Variants in KCNA6 observed in about 807,000 individuals in gnomAD.
KCNA6 encodes potassium voltage-gated channel subfamily A member 6.
KCNA6 carries 17 observed loss-of-function variants against 29.5 expected under a neutral mutation model. The ratio of observed to expected loss-of-function variants is 0.58; its 90% CI spans 0.39 to 0.86. The LOEUF is 0.86. Among genes scored for constraint, KCNA6 ranks in the 40% least tolerant of loss-of-function variants. The probability of loss-of-function intolerance (pLI) is 0.00; values close to 1 mark genes in which losing one functional copy is unlikely to be tolerated. For synonymous variants in KCNA6, 296 were observed against 304.7 expected (o/e 0.97, Z 0.30); for missense variants, 450 against 703.4 (o/e 0.64, Z 4.07).
chr12:4,813,160 C>T (rs1235451170), exon 1 of KCNA6: 1 of 166,638 alleles, frequency 6.0e-6, no homozygotes, highest in Non-Finnish European at 1.5e-5. Flanking sequence ...CGAAGAGCAA[C>T]TTACGAGAGG....
the KCNA6 span, among the ~76,000 whole-genome samples, chr12:4,850,088 C>G: frequency 1.9e-3 from 289 of 152,260 alleles, no homozygotes; most frequent in African/African-American, 6.7e-3. The surrounding 1 kb of genome is among the most constrained non-coding windows in gnomAD (Gnocchi z 5.4). Context: ...GTAAAGGCAG[C>G]AGAGAGATCA....
chr12:4,828,837 G>T, the KCNA6 span, among the ~76,000 whole-genome samples: 1 of 152,154 alleles, frequency 6.6e-6, no homozygotes, highest in Non-Finnish European at 1.5e-5. Flanking sequence ...CTAAAATGAA[G>T]AATCCCTGGG....
chr12:4,850,699 C>T, the KCNA6 span: 1 of 410,698 alleles, frequency 2.4e-6, no homozygotes, highest in Non-Finnish European at 5.0e-6. The surrounding 1 kb of genome is among the most constrained non-coding windows in gnomAD (Gnocchi z 5.4). Context: ...CCTCATATCA[C>T]TAACTACATG....
At chr12:4,836,515 G>A in the KCNA6 span, among the ~76,000 whole-genome samples, 3 of 152,304 alleles carry the variant, frequency 2.0e-5, no homozygotes, top group East Asian at 1.9e-4. Flanking sequence ...GAAATGGCTT[G>A]AACAAAGGTA....
chr12:4,821,903 C>T, the KCNA6 span, among the ~76,000 whole-genome samples: 2 of 152,080 alleles, frequency 1.3e-5, no homozygotes, highest in African/African-American at 2.4e-5. Context: ...GTGGCATGGT[C>T]TCGGCTCACC....
the KCNA6 span, among the ~76,000 whole-genome samples, chr12:4,849,429 T>G: frequency 2.0e-5 from 3 of 151,634 alleles, no homozygotes; most frequent in Middle Eastern, 6.9e-3. Context: ...ACTTTGACCA[T>G]TTGCTAAGGT....
the KCNA6 span, among the ~76,000 whole-genome samples, chr12:4,837,607 A>G: frequency 6.6e-6 from 1 of 152,108 alleles, no homozygotes; most frequent in Non-Finnish European, 1.5e-5. Context: ...AGGAATCCCC[A>G]AAGATTTTAT....
the KCNA6 span, among the ~76,000 whole-genome samples, chr12:4,824,417 C>G: frequency 6.6e-6 from 1 of 152,162 alleles, no homozygotes; most frequent in East Asian, 1.9e-4. Context: ...ATTAAATCAT[C>G]AAATACTTGG....
At chr12:4,842,012 CGTGTGT>C in the KCNA6 span, among the ~76,000 whole-genome samples, 10,687 of 124,840 alleles carry the variant, frequency 0.086, 449 homozygotes, top group East Asian at 0.24. Flanking sequence ...ATGGAGCTTA[CGTGTGT>C]GTGTGTGTGT....
At chr12:4,823,628 G>A in the KCNA6 span, among the ~76,000 whole-genome samples, 2 of 152,130 alleles carry the variant, frequency 1.3e-5, no homozygotes, top group African/African-American at 4.8e-5. Context: ...TTAGCCAGGT[G>A]TGGTGGCAGA....
chr12:4,810,041 C>T lies in KCNA6; in HGVS notation c.-1C>T, dbSNP rs368322023. ...GGCGGGGAGCGCACCTCCGAGGGGGCATGAGATCGGAGAAATCCCTTACGC... is the reference window on the plus strand; with the variant it reads ...GGCGGGGAGCGCACCTCCGAGGGGGTATGAGATCGGAGAAATCCCTTACGC... On this transcript the variant is annotated 5_prime_UTR_variant, in exon 1 of 1. Transcript: ENST00000280684. The surrounding 1 kb of genome is among the most constrained non-coding windows in gnomAD (Gnocchi z 7.5). 1.9e-4 allele frequency: 288 copies of T among 1,517,786 alleles called. No individual in the cohort carries two copies. Among genetic ancestry groups the T allele is most frequent in the South Asian group, 2.7e-4 (21 of 76,904 alleles). The allele number at this position is 1,517,786 out of a possible 1,614,324, so 94.0% of individuals were successfully genotyped here.
chr12:4,830,617 C>T, the KCNA6 span, among the ~76,000 whole-genome samples: 1 of 152,208 alleles, frequency 6.6e-6, no homozygotes, highest in South Asian at 2.1e-4. Context: ...AATCTCTCCT[C>T]ATTCAAACCG....
At chr12:4,842,957 G>C in the KCNA6 span, among the ~76,000 whole-genome samples, 1 of 152,150 alleles carries the variant, frequency 6.6e-6, no homozygotes, top group African/African-American at 2.4e-5. Context: ...AATGGTGATG[G>C]AGATGGAAAG....
At chr12:4,838,182 T>C in the KCNA6 span, among the ~76,000 whole-genome samples, 1 of 152,140 alleles carries the variant, frequency 6.6e-6, no homozygotes, top group Non-Finnish European at 1.5e-5. Context: ...TCCTCAGACG[T>C]TTGGAGGGGA....
chr12:4,849,788 C>T, the KCNA6 span, among the ~76,000 whole-genome samples: 1 of 152,232 alleles, frequency 6.6e-6, no homozygotes, highest in Non-Finnish European at 1.5e-5. Context: ...ATGATACCAA[C>T]TGGAGTTTAT....
the KCNA6 span, among the ~76,000 whole-genome samples, chr12:4,821,747 A>G: frequency 1.3e-5 from 2 of 152,220 alleles, no homozygotes; most frequent in African/African-American, 4.8e-5. Flanking sequence ...GCAAAAGCTG[A>G]GGGACAGCGG....
the KCNA6 span, among the ~76,000 whole-genome samples, chr12:4,849,708 C>T: frequency 6.6e-6 from 1 of 152,084 alleles, no homozygotes; most frequent in Non-Finnish European, 1.5e-5. Context: ...TTTGGGCTTG[C>T]TCCCAAATGA....
At chr12:4,842,703 G>A in the KCNA6 span, 2 of 152,108 alleles carry the variant, frequency 1.3e-5, no homozygotes, top group Non-Finnish European at 2.9e-5. Flanking sequence ...ACAGCAAGGG[G>A]GAAATCCACC....
the KCNA6 span, among the ~76,000 whole-genome samples, chr12:4,836,758 A>C: frequency 6.6e-6 from 1 of 152,190 alleles, no homozygotes; most frequent in Non-Finnish European, 1.5e-5. Context: ...CTGAAGCAAG[A>C]TGGGAGTGCG....
Sources: gnomAD v4.1 joint callset for allele counts (sites outside exome capture counted in the v4.1 genomes callset) on GRCh38, gnomAD v4.1.1 for gene constraint, Gnocchi (gnomAD v3.1) non-coding constraint, MANE v1.5 for transcripts, NCBI Gene and HGNC (gene_info 2026-07-23, HGNC 2026-07-21) for gene names.